Variants in CSNK1G1 observed in about 807,000 individuals in gnomAD.
CSNK1G1 encodes the protein casein kinase I isoform gamma-1.
Under a neutral mutation model 59.6 loss-of-function variants are expected in CSNK1G1, and 22 were observed. That is an observed-to-expected ratio of 0.37 (90% CI 0.26 to 0.53). The LOEUF (loss-of-function observed/expected upper bound fraction) is 0.53. Among genes scored for constraint, CSNK1G1 ranks in the 20% least tolerant of loss-of-function variants. The pLI is 0.89. For missense variants in CSNK1G1, 384 were observed against 519.5 expected, an observed-to-expected ratio of 0.74 and a Z score of 2.54; for synonymous variants, 179 against 177.1, an observed-to-expected ratio of 1.01 and a Z score of -0.08.
rs143244533 is a variant in CSNK1G1, at chr15:64,353,441, T to TA, written c.-225+2546dup. On this transcript the variant is annotated intron_variant, in intron 1 of 11. Transcript: ENST00000303052. Reference sequence around the variant, plus strand: ...GCGGGTGGATCACGAGGTCAGGAGATAGACACCATCCTGGCTAACATGATG... The same window carrying TA: ...GCGGGTGGATCACGAGGTCAGGAGATAAGACACCATCCTGGCTAACATGATG... Among the ~76,000 whole-genome samples, 5,838 of 151,762 alleles carry TA rather than the reference T, an allele frequency of 0.038. 545 individuals carry two copies. In the East Asian group the frequency reaches 0.42, roughly 11 times the overall value.
chr15:64,283,978 T>C (rs1173828926), intron 2 of CSNK1G1, among the ~76,000 whole-genome samples: 2 of 152,184 alleles, frequency 1.3e-5, no homozygotes, highest in African/African-American at 4.8e-5. Flanking sequence ...GACTCTTACA[T>C]TTAGTCCTTT....
chr15:64,215,444 C>A (rs903228166), intron 5 of CSNK1G1, among the ~76,000 whole-genome samples: 3 of 151,752 alleles, frequency 2.0e-5, no homozygotes, highest in African/African-American at 7.3e-5. Context: ...GATCTCCTGA[C>A]CTCATGATCC....
At chr15:64,310,699 ACT>A (rs925584512) in intron 1 of CSNK1G1, among the ~76,000 whole-genome samples, 3 of 151,714 alleles carry the variant, frequency 2.0e-5, no homozygotes, top group African/African-American at 4.8e-5. Flanking sequence ...ACAGAGAAAC[ACT>A]CTGTCTCAAA....
At chr15:64,303,720 A>T (rs1442025019) in intron 1 of CSNK1G1, among the ~76,000 whole-genome samples, 1 of 151,174 alleles carries the variant, frequency 6.6e-6, no homozygotes, top group Non-Finnish European at 1.5e-5. Flanking sequence ...ATTGCACTCC[A>T]GCCTGGGCGA....
At chr15:64,205,982 T>C (rs1218821658) in intron 7 of CSNK1G1, among the ~76,000 whole-genome samples, 3 of 152,170 alleles carry the variant, frequency 2.0e-5, no homozygotes, top group Non-Finnish European at 2.9e-5. Flanking sequence ...TTTCTTTCCA[T>C]ATTAATATGT....
rs778059103 is a variant in CSNK1G1 at position 64,180,422 on chromosome 15, A to C, written c.1140T>G (p.Val380=). The change falls in exon 11 of 12, where the codon GTT becomes GTG. Residue 380 remains valine (V), a synonymous_variant. Coordinates refer to ENST00000303052, the MANE Select transcript of CSNK1G1 (RefSeq NM_022048.5). ...VVSSTNGELN[V]DDPTGAHSNA... The stretch of plus-strand genomic sequence containing the variant: ...TGGAGTGGGCTCCCGTGGGATCATC[A>C]ACATTCAGCTCTCCATTGGTTGAGC... The C allele has an allele frequency of 6.2e-7, 1 of 1,614,120 alleles. No homozygotes were observed. Among genetic ancestry groups the C allele is most frequent in the South Asian group, 1.1e-5 (1 of 91,078 alleles).
At chr15:64,264,976 C>A (rs1892903091) in intron 2 of CSNK1G1, among the ~76,000 whole-genome samples, 1 of 152,102 alleles carries the variant, frequency 6.6e-6, no homozygotes, top group African/African-American at 2.4e-5. Flanking sequence ...ACAAGGATGC[C>A]CACTTTCACC....
chr15:64,170,106 T>C lies in CSNK1G1; in HGVS notation c.*1825A>G, dbSNP rs1220226107. On this transcript the variant is annotated 3_prime_UTR_variant, in exon 12 of 12. Coordinates refer to ENST00000303052, the MANE Select transcript of CSNK1G1 (RefSeq NM_022048.5). Reference sequence around the variant, plus strand: ...TCTACTCCCAGATACAAGACCTCTTTCCTGATGTAAATGACCCTTTCTCTT... The same window carrying C: ...TCTACTCCCAGATACAAGACCTCTTCCCTGATGTAAATGACCCTTTCTCTT... 5 of 152,212 alleles carry C rather than the reference T, an allele frequency of 3.3e-5. No homozygotes were observed. Among genetic ancestry groups the C allele is most frequent in the African/African-American group, 9.7e-5 (4 of 41,432 alleles). The allele number at this position is 152,212 out of a possible 1,614,324, so 9.4% of individuals were successfully genotyped here.
intron 1 of CSNK1G1, among the ~76,000 whole-genome samples, chr15:64,339,932 A>G (rs1014597493): frequency 6.6e-6 from 1 of 152,156 alleles, no homozygotes; most frequent in Non-Finnish European, 1.5e-5. Context: ...CCCAAGAACC[A>G]CTAAGTTGCA....
intron 1 of CSNK1G1, among the ~76,000 whole-genome samples, chr15:64,345,010 T>G (rs1439592182): frequency 1.3e-5 from 2 of 152,204 alleles, no homozygotes; most frequent in Non-Finnish European, 2.9e-5. Context: ...TTGACTTATT[T>G]AACTAGGTGA....
chr15:64,231,908 C>G (rs531894158), intron 4 of CSNK1G1, among the ~76,000 whole-genome samples: 1 of 152,256 alleles, frequency 6.6e-6, no homozygotes, highest in African/African-American at 2.4e-5. Flanking sequence ...TTACATTTTC[C>G]TTCCAATGAC....
chr15:64,277,671 TTAA>T (rs1296058113), intron 2 of CSNK1G1, among the ~76,000 whole-genome samples: 5 of 135,354 alleles, frequency 3.7e-5, no homozygotes, highest in East Asian at 4.0e-4. Context: ...ATTGATATAT[TTAA>T]TAATATAGCA....
chr15:64,265,864 A>G (rs1892952473), intron 2 of CSNK1G1: 1 of 455,622 alleles, frequency 2.2e-6, no homozygotes, highest in Non-Finnish European at 4.4e-6. Flanking sequence ...CAGGAGGATC[A>G]TTTCAGGCCA....
chr15:64,281,672 T>A (rs1358377618), intron 2 of CSNK1G1, among the ~76,000 whole-genome samples: 1 of 152,018 alleles, frequency 6.6e-6, no homozygotes, highest in East Asian at 1.9e-4. Flanking sequence ...ACCCCATCTC[T>A]ATTTAAAAAA....
At chr15:64,271,361 C>T (rs1893294860) in intron 2 of CSNK1G1, among the ~76,000 whole-genome samples, 1 of 152,054 alleles carries the variant, frequency 6.6e-6, no homozygotes, top group South Asian at 2.1e-4. Context: ...CATCTTGGCT[C>T]ACTGCAACCT....
At chr15:64,201,951 T>C (rs1191905815) in intron 10 of CSNK1G1, among the ~76,000 whole-genome samples, 2 of 152,196 alleles carry the variant, frequency 1.3e-5, no homozygotes, top group Non-Finnish European at 2.9e-5. Context: ...GGTCTCTGTT[T>C]TTCTCTTAGC....
At chr15:64,204,387 G>T in intron 9 of CSNK1G1, 54 bp downstream of exon 9, 2 of 1,431,022 alleles carry the variant, frequency 1.4e-6, no homozygotes, top group Non-Finnish European at 9.4e-7. Flanking sequence ...AGGCAGTGCT[G>T]GTTGGAGAAA....
chr15:64,199,513 A>G (rs2082081132), intron 10 of CSNK1G1, among the ~76,000 whole-genome samples: 1 of 152,172 alleles, frequency 6.6e-6, no homozygotes, highest in African/African-American at 2.4e-5. Flanking sequence ...AAACCACAGC[A>G]TTGGTTATAA....
At chr15:64,287,926 AAG>A (rs1566934585) in intron 2 of CSNK1G1, among the ~76,000 whole-genome samples, 2 of 151,962 alleles carry the variant, frequency 1.3e-5, no homozygotes, top group African/African-American at 2.4e-5. Context: ...AGAAAGGACA[AAG>A]AGAACAGGTG....
Sources: allele counts gnomAD v4.1 joint callset (sites outside exome capture counted in the v4.1 genomes callset), GRCh38; gene constraint gnomAD v4.1.1; transcripts MANE v1.5; gene names NCBI Gene and HGNC (gene_info 2026-07-23, HGNC 2026-07-21).